EEA1: variants seen among roughly 807,000 people sequenced by gnomAD.
EEA1 encodes early endosome antigen 1.
Under a neutral mutation model 209.2 loss-of-function variants are expected in EEA1, and 111 were observed. That is an observed-to-expected ratio of 0.53 (90% CI 0.45 to 0.62). The LOEUF (loss-of-function observed/expected upper bound fraction) is 0.62. Ranked by LOEUF, EEA1 falls within the 20% of genes least tolerant of loss-of-function variation. EEA1 has a pLI of 0.00. For synonymous variants in EEA1, 536 were observed against 540.6 expected (o/e 0.99, Z 0.12); for missense variants, 1,343 against 1,530.8 (o/e 0.88, Z 2.05).
At chr12:92,800,268 T>C (rs1283936848) in intron 20 of EEA1, among the ~76,000 whole-genome samples, 1 of 152,082 alleles carries the variant, frequency 6.6e-6, no homozygotes, top group African/African-American at 2.4e-5. Context: ...CATTTAGAGA[T>C]CTGGGGCATA....
intron 2 of EEA1, among the ~76,000 whole-genome samples, chr12:92,871,435 C>A (rs1878639371): frequency 6.6e-6 from 1 of 152,144 alleles, no homozygotes; most frequent in Admixed American, 6.5e-5. Context: ...TTAAGAAGTT[C>A]CTGTCCTCTT....
chr12:92,807,455 G>T (rs1444737350), intron 18 of EEA1, among the ~76,000 whole-genome samples: 1 of 151,972 alleles, frequency 6.6e-6, no homozygotes, highest in African/African-American at 2.4e-5. Context: ...CAAGAAAAAA[G>T]ATATAAAAGG....
chr12:92,825,102 C>T (rs1876230259), intron 13 of EEA1, among the ~76,000 whole-genome samples: 1 of 152,154 alleles, frequency 6.6e-6, no homozygotes, highest in Admixed American at 6.5e-5. Flanking sequence ...TGTCTAGTCA[C>T]AGTGCTGAGC....
At chr12:92,891,879 T>C (rs1000316097) in intron 1 of EEA1, among the ~76,000 whole-genome samples, 158 bp from the exon 2 acceptor site, 6 of 152,190 alleles carry the variant, frequency 3.9e-5, no homozygotes, top group African/African-American at 1.4e-4. Context: ...GTGTACCTAA[T>C]GCTGTATCAA....
At chr12:92,911,667 G>A (rs1285016423) in intron 1 of EEA1, among the ~76,000 whole-genome samples, 2 of 152,190 alleles carry the variant, frequency 1.3e-5, no homozygotes, top group African/African-American at 2.4e-5. Flanking sequence ...ATAGGTTCAC[G>A]AATCATAACA....
At chr12:92,857,874 C>T (rs1468506046) in intron 3 of EEA1, among the ~76,000 whole-genome samples, 2 of 152,122 alleles carry the variant, frequency 1.3e-5, no homozygotes, top group Non-Finnish European at 2.9e-5. Context: ...TGCCTTATCA[C>T]TCTCCCCTTC....
At chr12:92,831,637 TATAA>T (rs1278312598) in intron 11 of EEA1, among the ~76,000 whole-genome samples, 5 of 147,448 alleles carry the variant, frequency 3.4e-5, no homozygotes, top group African/African-American at 4.9e-5. Context: ...TTCATAAATA[TATAA>T]ATATATAATA....
chr12:92,801,479 C>A, intron 20 of EEA1, 121 bp downstream of exon 20: 1 of 599,406 alleles, frequency 1.7e-6, no homozygotes. Flanking sequence ...TTTCTTAAAA[C>A]TATAAAAAAA....
intron 1 of EEA1, among the ~76,000 whole-genome samples, chr12:92,914,998 G>A (rs962481444): frequency 6.6e-6 from 1 of 152,090 alleles, no homozygotes; most frequent in Non-Finnish European, 1.5e-5. Context: ...CTCTAAGCAT[G>A]AAATTCCCAT....
intron 1 of EEA1, among the ~76,000 whole-genome samples, chr12:92,898,988 A>G (rs1041763340): frequency 6.6e-6 from 1 of 151,638 alleles, no homozygotes; most frequent in Non-Finnish European, 1.5e-5. Context: ...CATTGTTTAG[A>G]GATGGAGGAG....
chr12:92,885,831 G>T (rs1879356455), intron 2 of EEA1, among the ~76,000 whole-genome samples: 1 of 152,192 alleles, frequency 6.6e-6, no homozygotes, highest in African/African-American at 2.4e-5. Context: ...TCAAACCTGT[G>T]TTGTTCAAGT....
At chr12:92,907,065 G>A (rs1254355607) in intron 1 of EEA1, among the ~76,000 whole-genome samples, 9 of 151,992 alleles carry the variant, frequency 5.9e-5, no homozygotes, top group East Asian at 5.8e-4. Context: ...TAGATAAAGC[G>A]AGAAGTTATC....
chr12:92,828,505 G>A (rs906512838), intron 11 of EEA1, among the ~76,000 whole-genome samples: 3 of 151,626 alleles, frequency 2.0e-5, no homozygotes, highest in Non-Finnish European at 4.4e-5. Context: ...TTTTACATTT[G>A]GGTATTGGAT....
chr12:92,910,888 C>T (rs1377741487), intron 1 of EEA1, among the ~76,000 whole-genome samples: 1 of 152,168 alleles, frequency 6.6e-6, no homozygotes, highest in Non-Finnish European at 1.5e-5. Flanking sequence ...TGAAAAGTTG[C>T]TCCACAGCAT....
intron 2 of EEA1, chr12:92,884,795 T>A (rs1879309920): frequency 1.5e-5 from 12 of 802,292 alleles, no homozygotes; most frequent in Non-Finnish European, 2.5e-5. Flanking sequence ...CCAAGCACAG[T>A]GGTGGCAGGG....
intron 1 of EEA1, among the ~76,000 whole-genome samples, chr12:92,924,560 G>T (rs1881136894): frequency 6.6e-6 from 1 of 151,962 alleles, no homozygotes; most frequent in Non-Finnish European, 1.5e-5. Context: ...AAGGAGGCTA[G>T]TATTATTACA....
chr12:92,923,083 C>G (rs1228988664), intron 1 of EEA1, among the ~76,000 whole-genome samples: 1 of 152,082 alleles, frequency 6.6e-6, no homozygotes, highest in Non-Finnish European at 1.5e-5. Flanking sequence ...CGCGGTGGCT[C>G]ACGCCTGTAA....
intron 15 of EEA1, among the ~76,000 whole-genome samples, chr12:92,815,635 C>A (rs1166404687): frequency 6.6e-6 from 1 of 151,926 alleles, no homozygotes; most frequent in East Asian, 1.9e-4. Context: ...TTATGTCTTA[C>A]TGCTTACCCC....
chr12:92,848,417 G>A (rs1436246946), intron 9 of EEA1, among the ~76,000 whole-genome samples: 1 of 151,772 alleles, frequency 6.6e-6, no homozygotes, highest in Non-Finnish European at 1.5e-5. Context: ...GAGGCCAGGA[G>A]GTCAAGACCA....
Sources: allele counts gnomAD v4.1 joint callset (sites outside exome capture counted in the v4.1 genomes callset), GRCh38; gene constraint gnomAD v4.1.1; transcripts MANE v1.5; gene names NCBI Gene and HGNC (gene_info 2026-07-23, HGNC 2026-07-21).